The following ZFPM2 variants were observed in gnomAD, a reference collection of about 807,000 sequenced individuals.
ZFPM2 encodes zinc finger protein, FOG family member 2.
A neutral mutation model predicts 98.6 loss-of-function variants in ZFPM2; 20 were observed. The ratio of observed to expected loss-of-function variants is 0.20; its 90% CI spans 0.14 to 0.29. The LOEUF (loss-of-function observed/expected upper bound fraction) is 0.29. Ranked by LOEUF, ZFPM2 falls within the 10% of genes least tolerant of loss-of-function variation. The pLI, the probability that ZFPM2 is intolerant of heterozygous loss-of-function variation, is 1.00. For synonymous variants in ZFPM2, 518 were observed against 502.7 expected, an observed-to-expected ratio of 1.03 and a Z score of -0.41; for missense variants, 1,310 against 1,388.6, an observed-to-expected ratio of 0.94 and a Z score of 0.90.
At chr8:105,381,886 A>T (rs1810896478) in intron 1 of ZFPM2, among the ~76,000 whole-genome samples, 2 of 152,078 alleles carry the variant, frequency 1.3e-5, no homozygotes, top group Non-Finnish European at 2.9e-5. Flanking sequence ...TACACTGTCA[A>T]CATGATATAG....
At position 105,581,475 on chromosome 8, in the gene ZFPM2, A is replaced by T. The variant is rs185148344; in HGVS notation, c.420+19994A>T. On this transcript the variant is annotated intron_variant, in intron 4 of 7. Coordinates refer to ENST00000407775, the MANE Select transcript of ZFPM2 (RefSeq NM_012082.4). ...GCCTTTTCTATTTCTTATGATAGAG[A>T]TTAATTTATCAGATTGATGTCTGGT... is the stretch of plus-strand genomic sequence containing the variant. Among the ~76,000 whole-genome samples the T allele has an allele frequency of 2.8e-4, 39 of 141,024 alleles. 1 individual carries two copies. The highest frequency in any genetic ancestry group is 2.9e-4 in the Non-Finnish European group (19 of 66,106). 92.5% of individuals were successfully genotyped at this position (141,024 alleles called of 152,430 possible).
At position 105,801,971 on chromosome 8, in the gene ZFPM2, C is replaced by G; in HGVS notation, c.1889C>G (p.Thr630Ser). 6.2e-7 allele frequency: 1 copy of G among 1,613,886 alleles called. No homozygotes were observed. The highest frequency in any genetic ancestry group is 1.3e-5 in the African/African-American group (1 of 75,044). ...LLQTSCINSSTVLDLIGPNGK... is the reference protein window; with the variant it reads ...LLQTSCINSSSVLDLIGPNGK... ...CAAACATCTTGCATCAATTCTTCCA[C>G]TGTCTTAGATTTAATTGGGCCAAAT... Residue 630 changes from threonine to serine, a missense_variant, in exon 8 of 8, where the codon ACT becomes AGT. By Grantham distance (58) the Thr-to-Ser change is moderately conservative. Coordinates refer to ENST00000407775, the MANE Select transcript of ZFPM2 (RefSeq NM_012082.4).
At chr8:105,651,133 T>C (rs1004743216) in intron 5 of ZFPM2, among the ~76,000 whole-genome samples, 1 of 152,202 alleles carries the variant, frequency 6.6e-6, no homozygotes, top group African/African-American at 2.4e-5. Flanking sequence ...TCTCCATATA[T>C]ATAACTGTAC....
chr8:105,593,696 G>T (rs1313274489), intron 4 of ZFPM2, among the ~76,000 whole-genome samples: 2 of 151,682 alleles, frequency 1.3e-5, no homozygotes, highest in Admixed American at 1.3e-4. Context: ...TAAGTCAAGG[G>T]CCGAAGACTT....
intron 5 of ZFPM2, among the ~76,000 whole-genome samples, chr8:105,664,785 A>G (rs1817459038): frequency 6.6e-6 from 1 of 152,196 alleles, no homozygotes; most frequent in South Asian, 2.1e-4. Context: ...AGTAATAGGC[A>G]GAGACCTTAT....
At chr8:105,391,053 A>G (rs1811097129) in intron 1 of ZFPM2, among the ~76,000 whole-genome samples, 2 of 152,186 alleles carry the variant, frequency 1.3e-5, no homozygotes, top group African/African-American at 4.8e-5. Context: ...TGTGGCTCAC[A>G]TTGCAGACAT....
intron 5 of ZFPM2, among the ~76,000 whole-genome samples, chr8:105,758,440 A>T (rs1257871178): frequency 6.6e-6 from 1 of 152,154 alleles, no homozygotes; most frequent in African/African-American, 2.4e-5. Flanking sequence ...TAGTTGTGCC[A>T]TATCTCAAGT....
At chr8:105,731,966 T>G (rs1478198555) in intron 5 of ZFPM2, among the ~76,000 whole-genome samples, 2 of 151,736 alleles carry the variant, frequency 1.3e-5, no homozygotes, top group Admixed American at 1.3e-4. Context: ...TGATGGAGAA[T>G]TGTGACCTTT....
At position 105,798,770 on chromosome 8, in the gene ZFPM2, G is replaced by A. The variant is rs966069769; in HGVS notation, c.786G>A (p.Glu262=). The A allele has an allele frequency of 1.2e-6, 2 of 1,613,892 alleles. No individual in the cohort carries two copies. The highest frequency in any genetic ancestry group is 1.7e-6 in the Non-Finnish European group (2 of 1,179,842). Reference sequence around the variant, plus strand: ...CCTGTGGCATCTGGTATCGGAGTGAGCGGAATCTGCAGGCCCATTTGATGT... The same window carrying A: ...CCTGTGGCATCTGGTATCGGAGTGAACGGAATCTGCAGGCCCATTTGATGT... ...CKSCGIWYRS[E]RNLQAHLMYY... is the part of the protein sequence containing the mutation. Residue 262 remains glutamate (E), a synonymous_variant, in exon 7 of 8, where the codon GAG becomes GAA. Transcript: ENST00000407775.
intron 3 of ZFPM2, among the ~76,000 whole-genome samples, chr8:105,487,743 G>A (rs1586408553): frequency 6.6e-6 from 1 of 151,972 alleles, no homozygotes; most frequent in South Asian, 2.1e-4. Context: ...AAATGAATCA[G>A]GAGATTATTA....
chr8:105,337,283 G>T (rs1030444435), intron 1 of ZFPM2, among the ~76,000 whole-genome samples: 1 of 151,704 alleles, frequency 6.6e-6, no homozygotes, highest in Non-Finnish European at 1.5e-5. Context: ...ACTGCTGCAG[G>T]GGTAAGGAAT....
intron 5 of ZFPM2, among the ~76,000 whole-genome samples, chr8:105,738,014 GT>G (rs549309945): frequency 1.3e-5 from 2 of 151,630 alleles, no homozygotes; most frequent in South Asian, 2.1e-4. Flanking sequence ...TTTTTTGATA[GT>G]TTTTTTTGTT....
At chr8:105,658,297 C>T (rs1020350304) in intron 5 of ZFPM2, among the ~76,000 whole-genome samples, 2 of 151,332 alleles carry the variant, frequency 1.3e-5, no homozygotes, top group Non-Finnish European at 2.9e-5. Context: ...CTTTAGAAAT[C>T]AAAGCAGACG....
At chr8:105,329,472 AT>A (rs1812172209) in intron 1 of ZFPM2, among the ~76,000 whole-genome samples, 2 of 151,832 alleles carry the variant, frequency 1.3e-5, no homozygotes, top group Admixed American at 1.3e-4. Flanking sequence ...GGATGAGGGC[AT>A]ATGCTCATTT....
At chr8:105,588,163 T>C (rs540403479) in intron 4 of ZFPM2, among the ~76,000 whole-genome samples, 1 of 152,316 alleles carries the variant, frequency 6.6e-6, no homozygotes, top group South Asian at 2.1e-4. Flanking sequence ...TTGCAAAATA[T>C]ATAAGCAAGA....
chr8:105,325,162 G>T (rs1812092356), intron 1 of ZFPM2, among the ~76,000 whole-genome samples: 1 of 151,748 alleles, frequency 6.6e-6, no homozygotes, highest in East Asian at 1.9e-4. Context: ...CTCATCAAAC[G>T]AATAGCAGCA....
rs573464271 is a variant in ZFPM2 at position 105,509,379 on chromosome 8, T to A, written c.302-51984T>A. ...TTCCACTCACCGAGTTTCATTTGTT[T>A]TATGACAGTGCTCAGATCGGTAGCT... On this transcript the variant is annotated intron_variant, in intron 3 of 7. Transcript: ENST00000407775. 3.9e-5 allele frequency among the ~76,000 whole-genome samples: 6 copies of A among 152,274 alleles called. No homozygotes were observed. In the East Asian group the frequency reaches 9.7e-4, roughly 25 times the overall value.
At chr8:105,517,657 C>A (rs1271309128) in intron 3 of ZFPM2, among the ~76,000 whole-genome samples, 1 of 144,076 alleles carries the variant, frequency 6.9e-6, no homozygotes. Context: ...TGAGACCAGC[C>A]TGGGGAACAT....
At chr8:105,380,647 A>AT (rs1218073083) in intron 1 of ZFPM2, among the ~76,000 whole-genome samples, 3 of 13,904 alleles carry the variant, frequency 2.2e-4, no homozygotes, top group African/African-American at 6.9e-4. Flanking sequence ...TATATATATT[A>AT]TATATATATA....
Sources: gnomAD v4.1 joint callset for allele counts (sites outside exome capture counted in the v4.1 genomes callset) on GRCh38, gnomAD v4.1.1 for gene constraint, MANE v1.5 for transcripts, NCBI Gene and HGNC (gene_info 2026-07-23, HGNC 2026-07-21) for gene names.